Variants in GALNT2 observed in about 807,000 individuals in gnomAD.
The protein encoded by GALNT2 is polypeptide N-acetylgalactosaminyltransferase 2.
Under a neutral mutation model 81.4 loss-of-function variants are expected in GALNT2, and 31 were observed. The observed-to-expected ratio is 0.38, with a 90% CI of 0.29 to 0.51. The LOEUF is 0.51. GALNT2 is among the 20% of genes least tolerant of loss of function. The pLI, the probability that GALNT2 is intolerant of heterozygous loss-of-function variation, is 0.87. For synonymous variants in GALNT2, 303 were observed against 287.4 expected (o/e 1.05, Z -0.55); for missense variants, 629 against 765.7 (o/e 0.82, Z 2.11).
chr1:230,147,789 G>A (rs180687894), intron 1 of GALNT2, among the ~76,000 whole-genome samples: 1 of 152,198 alleles, frequency 6.6e-6, no homozygotes, highest in African/African-American at 2.4e-5. Flanking sequence ...TCCTGAGTGA[G>A]GGCCTCAGCT....
At chr1:230,128,567 A>G (rs1661266606) in intron 1 of GALNT2, among the ~76,000 whole-genome samples, 2 of 140,806 alleles carry the variant, frequency 1.4e-5, no homozygotes, top group South Asian at 2.4e-4. Flanking sequence ...TAAGGGAGAA[A>G]GTAAAACAGG....
At chr1:230,058,604 C>G (rs772206576) in intron 1 of GALNT2, among the ~76,000 whole-genome samples, 3 of 152,216 alleles carry the variant, frequency 2.0e-5, no homozygotes, top group Non-Finnish European at 4.4e-5. Context: ...CTTGATAGGA[C>G]TGTTGCGAAG....
chr1:230,148,512 G>A (rs1277619671), intron 1 of GALNT2, among the ~76,000 whole-genome samples: 1 of 152,266 alleles, frequency 6.6e-6, no homozygotes, highest in Non-Finnish European at 1.5e-5. Flanking sequence ...GCTTCTAGCG[G>A]TCCCTCACTC....
intron 2 of GALNT2, among the ~76,000 whole-genome samples, chr1:230,182,335 C>A (rs1460549431): frequency 6.6e-6 from 1 of 151,772 alleles, no homozygotes; most frequent in Non-Finnish European, 1.5e-5. Flanking sequence ...GCTTTTAGAT[C>A]TTTCTTATTT....
At chr1:230,110,707 C>T (rs11806744) in intron 1 of GALNT2, among the ~76,000 whole-genome samples, 60,933 of 144,452 alleles carry the variant, frequency 0.42, 13,011 homozygotes, top group South Asian at 0.53. Flanking sequence ...CTCAGCTGTG[C>T]TTTTCTGTTT....
At chr1:230,261,399 C>T (rs749462902) in intron 11 of GALNT2, among the ~76,000 whole-genome samples, 12 of 152,102 alleles carry the variant, frequency 7.9e-5, no homozygotes, top group African/African-American at 2.4e-4. Flanking sequence ...TTTTAAAAGG[C>T]GAGCATTACC....
rs548795350 is a variant in GALNT2, at chr1:230,226,694, G to A, written c.375-9320G>A. Among the ~76,000 whole-genome samples the A allele has an allele frequency of 2.6e-5, 4 of 152,344 alleles. No homozygotes were observed. The East Asian group carries it at 7.7e-4, about 29-fold the overall frequency. ...GCCTCGCCACTCTCTCCCAAAGTTA[G>A]GGGAGCCAGTCATCGCACCCGCGGA... On this transcript the variant is annotated intron_variant, in intron 3 of 15. Transcript: ENST00000366672.
intron 3 of GALNT2, among the ~76,000 whole-genome samples, chr1:230,212,744 C>T (rs1196159718): frequency 6.6e-6 from 1 of 152,208 alleles, no homozygotes; most frequent in African/African-American, 2.4e-5. Flanking sequence ...CATTATTCAT[C>T]AGCGTGCTTG....
chr1:230,125,466 G>C (rs1198749121), intron 1 of GALNT2, among the ~76,000 whole-genome samples: 1 of 152,264 alleles, frequency 6.6e-6, no homozygotes, highest in East Asian at 1.9e-4. Flanking sequence ...TGAATAAGGA[G>C]AGATGAAAGG....
intron 1 of GALNT2, among the ~76,000 whole-genome samples, chr1:230,105,466 G>C (rs1158915763): frequency 6.6e-6 from 1 of 152,158 alleles, no homozygotes; most frequent in South Asian, 2.1e-4. Flanking sequence ...GGTGTTTCAG[G>C]GTTTCATTGA....
At position 230,059,572 on chromosome 1, in the gene GALNT2, C is replaced by T. The variant is rs368825553; in HGVS notation, n.89+1494C>T. Among the ~76,000 whole-genome samples, 32 of 152,306 alleles carry T rather than the reference C, an allele frequency of 2.1e-4. No individual in the cohort carries two copies. The South Asian group carries it at 3.9e-3, about 19-fold the overall frequency. On this transcript the variant is annotated intron_variant and non_coding_transcript_variant, in intron 1 of 6. Coordinates refer to the GALNT2 transcript ENST00000494106. Reference sequence around the variant, plus strand: ...GAAGCAAGTTGTAGTATCTTTTAGACGCTTGGGCTGTGGGGTTGTTGCAAT... The same window carrying T: ...GAAGCAAGTTGTAGTATCTTTTAGATGCTTGGGCTGTGGGGTTGTTGCAAT...
At chr1:230,077,434 A>C (rs577019878) in intron 1 of GALNT2, among the ~76,000 whole-genome samples, 31 of 152,278 alleles carry the variant, frequency 2.0e-4, no homozygotes, top group African/African-American at 7.2e-4. Flanking sequence ...ACATGCCATT[A>C]TTTTGTGGAC....
intron 3 of GALNT2, among the ~76,000 whole-genome samples, chr1:230,230,467 C>T (rs1339794190): frequency 2.6e-5 from 4 of 152,166 alleles, no homozygotes; most frequent in South Asian, 2.1e-4. Flanking sequence ...CGCAGTTAGA[C>T]GTAGCTGCTG....
chr1:230,165,780 G>A (rs560228608), intron 1 of GALNT2, among the ~76,000 whole-genome samples: 14 of 152,366 alleles, frequency 9.2e-5, no homozygotes, highest in African/African-American at 3.1e-4. Context: ...GGCAGCACTC[G>A]AGAGGGAGGG....
intron 1 of GALNT2, among the ~76,000 whole-genome samples, chr1:230,094,637 TCAAA>T (rs1453733767): frequency 1.3e-5 from 2 of 152,114 alleles, no homozygotes; most frequent in Non-Finnish European, 2.9e-5. Flanking sequence ...AAACTCCGTC[TCAAA>T]CAAAAACAAA....
At chr1:230,163,665 T>G (rs1662507735) in intron 1 of GALNT2, among the ~76,000 whole-genome samples, 1 of 152,270 alleles carries the variant, frequency 6.6e-6, no homozygotes, top group African/African-American at 2.4e-5. Context: ...AGCAGCTCAC[T>G]GTCTTTTCAG....
At chr1:230,080,544 G>A (rs1401416758) in intron 1 of GALNT2, among the ~76,000 whole-genome samples, 1 of 152,162 alleles carries the variant, frequency 6.6e-6, no homozygotes. Flanking sequence ...AAACAGTTTT[G>A]CCTGTTTCTG....
At chr1:230,087,959 A>G (rs1659946640) in intron 1 of GALNT2, among the ~76,000 whole-genome samples, 1 of 152,238 alleles carries the variant, frequency 6.6e-6, no homozygotes, top group Admixed American at 6.5e-5. Flanking sequence ...ACAGTTTAGA[A>G]CAGAAGAAAA....
At chr1:230,125,638 G>GT (rs1661150765) in intron 1 of GALNT2, among the ~76,000 whole-genome samples, 1 of 152,216 alleles carries the variant, frequency 6.6e-6, no homozygotes, top group African/African-American at 2.4e-5. Flanking sequence ...ATTTTGGTGG[G>GT]TAAGAGTGCT....
Sources: gnomAD v4.1 joint callset for allele counts (sites outside exome capture counted in the v4.1 genomes callset) on GRCh38, gnomAD v4.1.1 for gene constraint, MANE v1.5 for transcripts, NCBI Gene and HGNC (gene_info 2026-07-23, HGNC 2026-07-21) for gene names.